Variants in ARHGEF4 observed in about 807,000 individuals in gnomAD.
The protein encoded by ARHGEF4 is Rho guanine nucleotide exchange factor 4.
A neutral mutation model predicts 162.0 loss-of-function variants in ARHGEF4; 119 were observed. The observed-to-expected ratio is 0.73, with a 90% CI of 0.63 to 0.86. The LOEUF is 0.86. Among genes scored for constraint, ARHGEF4 ranks in the 40% least tolerant of loss-of-function variants. The probability of loss-of-function intolerance (pLI) is 0.00; values close to 1 mark genes in which losing one functional copy is unlikely to be tolerated. For missense variants in ARHGEF4, 2,488 were observed against 2,456.0 expected, an observed-to-expected ratio of 1.01 and a Z score of -0.28; for synonymous variants, 1,014 against 979.9, an observed-to-expected ratio of 1.03 and a Z score of -0.65.
intron 3 of ARHGEF4, among the ~76,000 whole-genome samples, chr2:130,945,093 C>T (rs1437860126): frequency 3.3e-5 from 5 of 152,070 alleles, no homozygotes; most frequent in Admixed American, 3.3e-4. Context: ...CCAAAAGACT[C>T]TTATATGCTG....
At chr2:130,971,971 G>T (rs955713177) in intron 4 of ARHGEF4, among the ~76,000 whole-genome samples, 2 of 152,230 alleles carry the variant, frequency 1.3e-5, no homozygotes, top group African/African-American at 4.8e-5. Context: ...GGCCCCATAA[G>T]CCAGGTACTA....
Position 130,926,048 on chromosome 2 carries a change from C to CTTTCTCTTTCTTTCTT in ARHGEF4, c.3553-4903_3553-4902insTTCTCTTTCTTTCTTT. Among the ~76,000 whole-genome samples, 302 of 53,436 alleles carry CTTTCTCTTTCTTTCTT rather than the reference C, an allele frequency of 5.7e-3. 2 individuals are homozygous for CTTTCTCTTTCTTTCTT. The highest frequency in any genetic ancestry group is 0.014 in the African/African-American group (230 of 16,260). The allele number at this position is 53,436 out of a possible 152,430, so 35.1% of individuals were successfully genotyped here. Reference sequence around the variant, plus strand: ...TCTTTCTTTCTTTCTTTCTTTCTTTCTCTTTCTTTCTTTCTTTCTTTCTTT... The same window carrying CTTTCTCTTTCTTTCTT: ...TCTTTCTTTCTTTCTTTCTTTCTTTCTTTCTCTTTCTTTCTTTCTTTCTTTCTTTCTTTCTTTCTTT... On this transcript the variant is annotated intron_variant, in intron 2 of 13. Coordinates refer to ENST00000409359, the MANE Select transcript of ARHGEF4 (RefSeq NM_001367493.1).
intron 4 of ARHGEF4, among the ~76,000 whole-genome samples, chr2:130,961,205 C>T (rs1684602409): frequency 6.6e-6 from 1 of 152,236 alleles, no homozygotes; most frequent in African/African-American, 2.4e-5. Flanking sequence ...GTGCGCTGTA[C>T]TCCCTGGACA....
At chr2:130,852,125 C>T (rs1681454503) in intron 1 of ARHGEF4, among the ~76,000 whole-genome samples, 1 of 152,258 alleles carries the variant, frequency 6.6e-6, no homozygotes, top group African/African-American at 2.4e-5. Context: ...GGCTGAGCGC[C>T]TGCTCCACGG....
Position 130,916,404 on chromosome 2 carries a change from G to A in ARHGEF4, c.2458G>A (p.Glu820Lys), listed in dbSNP as rs781221788. The A allele has an allele frequency of 3.1e-4, 471 of 1,529,010 alleles. 1 individual carries two copies. Among genetic ancestry groups the A allele is most frequent in the Non-Finnish European group, 2.0e-4 (223 of 1,141,508 alleles). The allele number at this position is 1,529,010 out of a possible 1,614,324, so 94.7% of individuals were successfully genotyped here. A position where few individuals can be genotyped will look rare whatever the true frequency, so the allele number is the denominator to read the frequency against. The change falls in exon 2 of 14, where the codon GAG (glutamate) becomes AAG (lysine). Residue 820 changes from glutamate to lysine, a missense_variant. By Grantham distance (56) the Glu-to-Lys change is moderately conservative. Transcript: ENST00000409359. ...AGGAGGGGTCCCGGCCCCGACCACC[G>A]AGGGTCGCCGCTGGGGCTCTTCAGG... ...SPGGVPAPTT[E>K]GRRWGSSGPE...
intron 4 of ARHGEF4, among the ~76,000 whole-genome samples, chr2:131,006,586 T>C (rs1395758284): frequency 1.3e-5 from 2 of 152,184 alleles, no homozygotes. Context: ...TAATTTGCAT[T>C]TTAATGCTAG....
chr2:130,937,918 C>T (rs1228761292), intron 3 of ARHGEF4, among the ~76,000 whole-genome samples: 1 of 152,126 alleles, frequency 6.6e-6, no homozygotes, highest in Non-Finnish European at 1.5e-5. Flanking sequence ...CTGGCCGCCT[C>T]GGCCTCCCAA....
At chr2:130,960,956 C>A (rs1016761182) in intron 4 of ARHGEF4, among the ~76,000 whole-genome samples, 9 of 152,200 alleles carry the variant, frequency 5.9e-5, no homozygotes, top group Admixed American at 5.2e-4. Flanking sequence ...GAAATGGACT[C>A]AGTAAAAGCA....
At chr2:130,878,888 A>G (rs72855926) in intron 1 of ARHGEF4, among the ~76,000 whole-genome samples, 3,186 of 152,356 alleles carry the variant, frequency 0.021, 96 homozygotes, top group East Asian at 0.12. Flanking sequence ...TGGCAGTACA[A>G]AGAGGTGCCT....
rs765926582 is a variant in ARHGEF4, at chr2:131,040,309, C to T, written c.4531C>T (p.Gln1511Ter). The part of the protein sequence containing the change: ...RKRADMFSEE[Q>*]LRTIFGNIED... ...GCGCGCAGACATGTTCAGCGAGGAGCAGCTGCGTACCATCTTCGGGAACAT... is the reference window on the plus strand; with the variant it reads ...GCGCGCAGACATGTTCAGCGAGGAGTAGCTGCGTACCATCTTCGGGAACAT... Residue 1511 changes from glutamine to a stop codon, truncating the protein, a stop_gained, in exon 8 of 14, where the codon CAG becomes TAG. Transcript: ENST00000409359. LOFTEE classifies it high-confidence loss of function. 1 of 1,612,984 alleles carries T rather than the reference C, an allele frequency of 6.2e-7. No individual in the cohort carries two copies. The highest frequency in any genetic ancestry group is 8.5e-7 in the Non-Finnish European group (1 of 1,179,820).
intron 4 of ARHGEF4, among the ~76,000 whole-genome samples, chr2:130,992,959 C>T (rs889424096): frequency 2.6e-5 from 4 of 152,162 alleles, no homozygotes; most frequent in Non-Finnish European, 4.4e-5. Context: ...TTGTGCACAT[C>T]TGTAATCCCA....
intron 1 of ARHGEF4, among the ~76,000 whole-genome samples, chr2:130,869,171 T>C (rs1184602880): frequency 6.6e-6 from 1 of 152,116 alleles, no homozygotes; most frequent in Non-Finnish European, 1.5e-5. Flanking sequence ...AGCTGTCATA[T>C]TTGAGGCTTA....
At chr2:131,004,489 G>T (rs931574846) in intron 4 of ARHGEF4, among the ~76,000 whole-genome samples, 1 of 152,112 alleles carries the variant, frequency 6.6e-6, no homozygotes, top group Non-Finnish European at 1.5e-5. Context: ...AACCACATTC[G>T]GAAGTATTTC....
At chr2:131,003,285 A>G (rs1687901314) in intron 4 of ARHGEF4, among the ~76,000 whole-genome samples, 1 of 152,218 alleles carries the variant, frequency 6.6e-6, no homozygotes, top group Admixed American at 6.5e-5. Context: ...CCTGATTTAT[A>G]AAACAATGGC....
chr2:130,881,105 T>C (rs1679160093), intron 1 of ARHGEF4, among the ~76,000 whole-genome samples: 1 of 152,144 alleles, frequency 6.6e-6, no homozygotes, highest in African/African-American at 2.4e-5. Flanking sequence ...CCATCTCGGC[T>C]CACTACAACC....
intron 4 of ARHGEF4, among the ~76,000 whole-genome samples, chr2:131,021,766 C>T (rs1689152500): frequency 2.0e-5 from 3 of 152,148 alleles, no homozygotes; most frequent in South Asian, 2.1e-4. Context: ...TACAGCTTTC[C>T]GTCTTCCATC....
At chr2:130,870,969 G>T (rs1424539842) in intron 1 of ARHGEF4, among the ~76,000 whole-genome samples, 1 of 152,168 alleles carries the variant, frequency 6.6e-6, no homozygotes. Flanking sequence ...GGAGGAAGTG[G>T]CTGGTGCTAG....
intron 4 of ARHGEF4, among the ~76,000 whole-genome samples, chr2:130,996,971 TG>T (rs1303504651): frequency 1.3e-5 from 2 of 152,262 alleles, no homozygotes; most frequent in African/African-American, 4.8e-5. Context: ...TATTCTTTGT[TG>T]GATATAAATA....
At chr2:131,027,301 T>G (rs1188705983) in intron 4 of ARHGEF4, among the ~76,000 whole-genome samples, 5 of 152,196 alleles carry the variant, frequency 3.3e-5, no homozygotes. Flanking sequence ...CTGGATCCCT[T>G]TAGACAAGGT....
Sources: gnomAD v4.1 joint callset for allele counts (sites outside exome capture counted in the v4.1 genomes callset) on GRCh38, gnomAD v4.1.1 for gene constraint, MANE v1.5 for transcripts, NCBI Gene and HGNC (gene_info 2026-07-23, HGNC 2026-07-21) for gene names.